The following MSANTD2 variants were observed in gnomAD, a reference collection of about 807,000 sequenced individuals.
MSANTD2 encodes Myb/SANT DNA binding domain containing 2, also known as myb/SANT-like DNA-binding domain-containing protein 2.
MSANTD2 carries 19 observed loss-of-function variants against 52.6 expected under a neutral mutation model. The observed-to-expected ratio is 0.36, with a 90% CI of 0.25 to 0.53. MSANTD2 has a LOEUF of 0.53. MSANTD2 is among the 20% of genes least tolerant of loss of function. MSANTD2 has a pLI of 0.91. For missense variants in MSANTD2, 558 were observed against 716.3 expected (o/e 0.78, Z 2.52); for synonymous variants, 291 against 289.7 (o/e 1.00, Z -0.04).
chr11:124,791,385 T>C, intron 1 of MSANTD2: 1 of 1,360,338 alleles, frequency 7.4e-7, no homozygotes, highest in Non-Finnish European at 1.1e-6. Flanking sequence ...CATTACGGGC[T>C]ACATCATCAA....
At chr11:124,780,785 A>C (rs1306135543) in intron 1 of MSANTD2, among the ~76,000 whole-genome samples, 4 of 152,248 alleles carry the variant, frequency 2.6e-5, no homozygotes, top group Non-Finnish European at 5.9e-5. Flanking sequence ...TACAATTATC[A>C]GTTCACTCAC....
At chr11:124,768,554 T>A (rs1462910073) in intron 3 of MSANTD2, among the ~76,000 whole-genome samples, 2 of 152,224 alleles carry the variant, frequency 1.3e-5, no homozygotes, top group Non-Finnish European at 2.9e-5. Context: ...AGTCCAATAA[T>A]GGGCTTTGTG....
At chr11:124,795,126 G>A (rs1385453020) in intron 1 of MSANTD2, among the ~76,000 whole-genome samples, 2 of 152,098 alleles carry the variant, frequency 1.3e-5, no homozygotes, top group African/African-American at 2.4e-5. Flanking sequence ...TGATATGCCC[G>A]CCTCAGCCTC....
In MSANTD2 at chr11:124,779,919, G is replaced by C. The variant is rs1944893746; in HGVS notation, c.511-4945C>G. ...CAGTGACTAATTTTCTTATAAAATT[G>C]TTAAAAATGATACCTCAGACTAAAG... is the stretch of plus-strand genomic sequence containing the variant. On this transcript the variant is annotated intron_variant, in intron 1 of 3. Transcript: ENST00000374979. This position sits in a 1 kb window ranked among gnomAD's most constrained non-coding sequence, Gnocchi z 4.6. Among the ~76,000 whole-genome samples, 1 of 152,166 alleles carries C rather than the reference G, an allele frequency of 6.6e-6. No homozygotes were observed. Among genetic ancestry groups the C allele is most frequent in the African/African-American group, 2.4e-5 (1 of 41,452 alleles).
At chr11:124,797,967 A>G (rs775726063) in intron 1 of MSANTD2, among the ~76,000 whole-genome samples, 1 of 152,212 alleles carries the variant, frequency 6.6e-6, no homozygotes, top group Non-Finnish European at 1.5e-5. Context: ...TTTTGACAAC[A>G]CACTTTTTCT....
intron 1 of MSANTD2, among the ~76,000 whole-genome samples, chr11:124,778,612 A>G (rs1205923163): frequency 3.9e-5 from 6 of 152,154 alleles, no homozygotes; most frequent in Admixed American, 3.9e-4. Flanking sequence ...AGTTCATGGT[A>G]TTTGATTTGG....
intron 1 of MSANTD2, among the ~76,000 whole-genome samples, chr11:124,798,474 T>C (rs1945568653): frequency 1.3e-5 from 2 of 152,140 alleles, no homozygotes; most frequent in African/African-American, 4.8e-5. Flanking sequence ...CTTTAATGTC[T>C]TTGTTAAAAA....
intron 1 of MSANTD2, among the ~76,000 whole-genome samples, chr11:124,787,441 C>T (rs1945195172): frequency 1.3e-5 from 2 of 152,130 alleles, no homozygotes; most frequent in Admixed American, 1.3e-4. Flanking sequence ...AGTGCAGTGG[C>T]ACGATCTTGG....
At chr11:124,780,723 T>C (rs907862675) in intron 1 of MSANTD2, among the ~76,000 whole-genome samples, 2 of 152,226 alleles carry the variant, frequency 1.3e-5, no homozygotes. Flanking sequence ...TAAGGTAAAC[T>C]TGTATCTTAG....
At chr11:124,784,559 G>A in intron 1 of MSANTD2, 1 of 985,252 alleles carries the variant, frequency 1.0e-6, no homozygotes, top group Non-Finnish European at 1.2e-6. Context: ...ATACGAAGGT[G>A]TTTCCATTCA....
rs567819285 is a variant in MSANTD2, at chr11:124,767,424, C to T, written c.1432G>A (p.Gly478Arg). The T allele has an allele frequency of 1.9e-6, 3 of 1,614,180 alleles. No individual in the cohort carries two copies. The highest frequency in any genetic ancestry group is 2.5e-6 in the Non-Finnish European group (3 of 1,180,044). ...TGTAGAGTCCTGACCTCAGCAATCC[C>T]GAGGTAGCAATAGATAATTCGGGTG... ...EPTRIIYCYLGIAEVRTLQQC... is the reference protein window; with the variant it reads ...EPTRIIYCYLRIAEVRTLQQC... Residue 478 changes from glycine (G) to arginine (R), a missense_variant, in exon 4 of 4, where the codon GGG (glycine) becomes AGG (arginine). Physicochemically the swap from Gly to Arg is moderately radical, Grantham distance 125. Coordinates refer to ENST00000374979, the MANE Select transcript of MSANTD2 (RefSeq NM_001308027.2). This position sits in a 1 kb window ranked among gnomAD's most constrained non-coding sequence, Gnocchi z 6.5.
At chr11:124,791,583 C>T (rs1051301135) in intron 1 of MSANTD2, 67 of 1,409,450 alleles carry the variant, frequency 4.8e-5, no homozygotes, top group Middle Eastern at 4.8e-4. Flanking sequence ...TGCCAGTCTC[C>T]GAGGAGTAAG....
rs1024133442 is a variant in MSANTD2, at chr11:124,784,487, C to A, written c.511-9513G>T. 10 of 984,970 alleles carry A rather than the reference C, an allele frequency of 1.0e-5. No homozygotes were observed. The Admixed American group carries it at 3.1e-4, about 30-fold the overall frequency. 61.0% of individuals were successfully genotyped at this position (984,970 alleles called of 1,614,324 possible). On this transcript the variant is annotated intron_variant, in intron 1 of 3. Transcript: ENST00000374979. ...CAACCATGTCTAAAAATTAAACCCC[C>A]CCCCCGCCACCTCAAAAATCCGCAC...
intron 3 of MSANTD2, among the ~76,000 whole-genome samples, chr11:124,771,793 T>C (rs1944533304): frequency 6.6e-6 from 1 of 152,184 alleles, no homozygotes; most frequent in South Asian, 2.1e-4. Flanking sequence ...TTGTGCTGCC[T>C]GTTACCTATC....
intron 1 of MSANTD2, among the ~76,000 whole-genome samples, chr11:124,798,140 C>T (rs149591633): frequency 1.1e-3 from 169 of 150,384 alleles, no homozygotes; most frequent in Middle Eastern, 0.01. Flanking sequence ...CGGTGGCTCA[C>T]GCCTGTAATC....
At chr11:124,791,839 G>C in intron 1 of MSANTD2, 1 of 470,082 alleles carries the variant, frequency 2.1e-6, no homozygotes. Context: ...CATTCACTGT[G>C]TATACTGTTA....
rs1944894611 is a variant in MSANTD2 at position 124,779,947 on chromosome 11, G to A, written c.511-4973C>T. 6.6e-6 allele frequency among the ~76,000 whole-genome samples: 1 copy of A among 152,160 alleles called. No homozygotes were observed. Among genetic ancestry groups the A allele is most frequent in the South Asian group, 2.1e-4 (1 of 4,836 alleles). On this transcript the variant is annotated intron_variant, in intron 1 of 3. Transcript: ENST00000374979. The surrounding 1 kb of genome is among the most constrained non-coding windows in gnomAD (Gnocchi z 4.6). ...AAAAATGATACCTCAGACTAAAGCA[G>A]ATTTGTATTTTGAAGCAAGATCTTT...
intron 3 of MSANTD2, among the ~76,000 whole-genome samples, chr11:124,768,858 G>A (rs1271949146): frequency 1.3e-5 from 2 of 152,030 alleles, no homozygotes; most frequent in Non-Finnish European, 1.5e-5. Flanking sequence ...AGAAAATGCT[G>A]GAATTTTTAT....
Position 124,772,985 on chromosome 11 carries a change from T to C in MSANTD2, c.827+9A>G, listed in dbSNP as rs1944594889. The C allele has an allele frequency of 2.0e-6, 3 of 1,537,352 alleles. No individual in the cohort carries two copies. The highest frequency in any genetic ancestry group is 1.4e-5 in the African/African-American group (1 of 73,480). On this transcript the variant is annotated intron_variant, in intron 3 of 3. Transcript: ENST00000374979. The stretch of plus-strand genomic sequence containing the variant: ...ACACACTTTCTGGAAAGGTGAAGCA[T>C]CTACTTACTGTGCTTCTTCAGAAGA...
Sources: gnomAD v4.1 joint callset for allele counts (sites outside exome capture counted in the v4.1 genomes callset) on GRCh38, gnomAD v4.1.1 for gene constraint, Gnocchi (gnomAD v3.1) non-coding constraint, MANE v1.5 for transcripts, NCBI Gene and HGNC (gene_info 2026-07-23, HGNC 2026-07-21) for gene names.